Variants in COL4A6 observed in about 807,000 individuals in gnomAD.
COL4A6 encodes the protein collagen alpha-6(IV) chain.
Under a neutral mutation model 126.7 loss-of-function variants are expected in COL4A6, and 59 were observed. That is an observed-to-expected ratio of 0.47 (90% CI 0.38 to 0.58). The LOEUF is 0.58. Ranked by LOEUF, COL4A6 falls within the 20% of genes least tolerant of loss-of-function variation. The pLI is 0.00. For synonymous variants in COL4A6, 547 were observed against 496.6 expected (o/e 1.10, Z -1.35); for missense variants, 1,285 against 1,337.3 (o/e 0.96, Z 0.61).
At chrX:108,434,746 G>C (rs944177156) in intron 2 of COL4A6, among the ~76,000 whole-genome samples, 4 of 106,409 alleles carry the variant, frequency 3.8e-5, no homozygotes. Flanking sequence ...ATTTCTATCA[G>C]TATCCTTAGT....
chrX:108,351,442 C>CTGTG lies in COL4A6; in HGVS notation c.64-40618_64-40615dup, dbSNP rs965452058. The stretch of plus-strand genomic sequence containing the variant: ...TAAAAAAGGAGGTAACTCTCTCTCT[C>CTGTG]TGTGTGTGTGTGTGTGTGTGTGTGT... On this transcript the variant is annotated intron_variant, in intron 2 of 44. Coordinates refer to ENST00000334504, the MANE Select transcript of COL4A6 (RefSeq NM_033641.4). 2.4e-3 allele frequency among the ~76,000 whole-genome samples: 229 copies of CTGTG among 94,363 alleles called. 1 individual carries two copies. Among genetic ancestry groups the CTGTG allele is most frequent in the East Asian group, 8.3e-3 (23 of 2,777 alleles). 81.9% of individuals were successfully genotyped at this position (94,363 alleles called of 115,157 possible).
rs763809300 is a variant in COL4A6 at position 108,190,460 on chromosome X, T to C, written c.1358A>G (p.Glu453Gly). 1 of 1,205,387 alleles carries C rather than the reference T, an allele frequency of 8.3e-7. No homozygotes were observed. Among genetic ancestry groups the C allele is most frequent in the Non-Finnish European group, 1.1e-6 (1 of 890,898 alleles). The change falls in exon 20 of 45, where the codon GAG becomes GGG. Residue 453 changes from glutamate to glycine, a missense_variant. Physicochemically the swap from Glu to Gly is moderately conservative, Grantham distance 98. Transcript: ENST00000334504. ...TCCTCGGAGACCAGGGAACCCTGAC[T>C]CTTTGTTGTGTAGAGTTTCAGTCTC... ...EFETETLHNK[E>G]SGFPGLRGEQ...
At chrX:108,428,321 C>A (rs901021297) in intron 2 of COL4A6, among the ~76,000 whole-genome samples, 4 of 112,063 alleles carry the variant, frequency 3.6e-5, no homozygotes, top group African/African-American at 1.3e-4. Context: ...AATGAGAGAG[C>A]CTTCTCTGAT....
intron 3 of COL4A6, among the ~76,000 whole-genome samples, chrX:108,309,296 G>A (rs1419374669): frequency 1.8e-5 from 2 of 110,573 alleles, no homozygotes; most frequent in Non-Finnish European, 3.8e-5. Context: ...TCCGTGAGAG[G>A]CAGCAGTAGA....
intron 2 of COL4A6, among the ~76,000 whole-genome samples, chrX:108,426,924 C>T (rs1402730120): frequency 8.9e-6 from 1 of 111,751 alleles, no homozygotes; most frequent in Non-Finnish European, 1.9e-5. Context: ...AGGAAATGGA[C>T]ATCCAGAATT....
chrX:108,186,890 G>T (rs752853504), intron 23 of COL4A6, among the ~76,000 whole-genome samples: 7 of 111,031 alleles, frequency 6.3e-5, no homozygotes, highest in Non-Finnish European at 1.3e-4. Context: ...CACGAAGTAG[G>T]GTGGAAATCT....
chrX:108,341,575 C>T (rs1196724555), intron 2 of COL4A6, among the ~76,000 whole-genome samples: 1 of 110,834 alleles, frequency 9.0e-6, no homozygotes, highest in African/African-American at 3.3e-5. Context: ...TGTGAGGGTT[C>T]CCCAGCCCCA....
chrX:108,176,842 C>A lies in COL4A6; in HGVS notation c.2685G>T (p.Lys895Asn), dbSNP rs150454971. The A allele has an allele frequency of 2.7e-4, 327 of 1,203,732 alleles. 1 individual carries two copies. Among genetic ancestry groups the A allele is most frequent in the Non-Finnish European group, 3.5e-4 (312 of 893,128 alleles). ...VAGLPALSGP[K>N]GEKGSVGFVG... ...CACTTCACTGATCACTTCACTTACC[C>A]TTGGGTCCAGAGAGGGCTGGCAACC... Residue 895 changes from lysine (K) to asparagine (N), a missense_variant and splice_region_variant, in exon 28 of 45, where the codon AAG becomes AAT. Coordinates refer to ENST00000334504, the MANE Select transcript of COL4A6 (RefSeq NM_033641.4).
chrX:108,238,176 G>A (rs1458781654), intron 3 of COL4A6, among the ~76,000 whole-genome samples: 5 of 104,467 alleles, frequency 4.8e-5, no homozygotes, highest in Admixed American at 3.1e-4. Context: ...GCATGATCTC[G>A]GCTCACTGCA....
At chrX:108,417,455 T>C (rs1370434821) in intron 2 of COL4A6, among the ~76,000 whole-genome samples, 1 of 112,149 alleles carries the variant, frequency 8.9e-6, no homozygotes, top group Non-Finnish European at 1.9e-5. Flanking sequence ...CTAAACTATG[T>C]TCTTGTTCTT....
chrX:108,253,861 A>G (rs920205921), intron 3 of COL4A6, among the ~76,000 whole-genome samples: 5 of 112,001 alleles, frequency 4.5e-5, no homozygotes, highest in Admixed American at 9.5e-5. Context: ...TCTGTCAGAT[A>G]GCCCATTACT....
intron 23 of COL4A6, 33 bp from the exon 24 acceptor site, chrX:108,181,001 C>A (rs763385543): frequency 1.8e-5 from 20 of 1,137,395 alleles, no homozygotes; most frequent in African/African-American, 3.6e-5. Flanking sequence ...ATTCAGTGAA[C>A]CCAGAGTTAG....
intron 3 of COL4A6, among the ~76,000 whole-genome samples, chrX:108,265,461 A>T (rs2037276240): frequency 9.1e-6 from 1 of 110,253 alleles, no homozygotes; most frequent in African/African-American, 3.3e-5. Flanking sequence ...ACAAGTTATT[A>T]AGTACTACAA....
chrX:108,400,035 C>A (rs904490515), intron 2 of COL4A6, among the ~76,000 whole-genome samples: 4 of 108,308 alleles, frequency 3.7e-5, no homozygotes, highest in African/African-American at 1.4e-4. Flanking sequence ...TACATGGCTG[C>A]CAATAAAACT....
At chrX:108,302,615 A>G (rs746399815) in intron 3 of COL4A6, among the ~76,000 whole-genome samples, 62 of 111,149 alleles carry the variant, frequency 5.6e-4, no homozygotes, top group Non-Finnish European at 1.1e-3. Context: ...GATAATATCC[A>G]TAAATCTACT....
rs764209075 is a variant in COL4A6 at position 108,292,885 on chromosome X, G to A, written c.144+17863C>T. On this transcript the variant is annotated intron_variant, in intron 3 of 44. Coordinates refer to ENST00000334504, the MANE Select transcript of COL4A6 (RefSeq NM_033641.4). Reference sequence around the variant, plus strand: ...GATTTCATGAGCCCAGGTGTTCGAGGCTGCAGTGAGTTATGATGATGCCAC... The same window carrying A: ...GATTTCATGAGCCCAGGTGTTCGAGACTGCAGTGAGTTATGATGATGCCAC... 2.9e-5 allele frequency among the ~76,000 whole-genome samples: 3 copies of A among 101,939 alleles called. No individual in the cohort carries two copies. The South Asian group carries it at 1.5e-3, about 50-fold the overall frequency. 88.5% of individuals were successfully genotyped at this position (101,939 alleles called of 115,157 possible). A position where few individuals can be genotyped will look rare whatever the true frequency, so the allele number is the denominator to read the frequency against.
At position 108,344,367 on chromosome X, in the gene COL4A6, G is replaced by A. The variant is rs542451963; in HGVS notation, c.64-33539C>T. Among the ~76,000 whole-genome samples the A allele has an allele frequency of 2.9e-4, 32 of 110,994 alleles. 1 individual carries two copies. In the South Asian group the frequency reaches 0.013, roughly 44 times the overall value. On this transcript the variant is annotated intron_variant, in intron 2 of 44. Transcript: ENST00000334504. ...CCACCAAGAATAAACAAGAAAGAGG[G>A]AACAGCTTTACAAACAAAACAAAAA...
chrX:108,356,586 G>A, intron 2 of COL4A6, among the ~76,000 whole-genome samples: 1 of 111,052 alleles, frequency 9.0e-6, no homozygotes, highest in East Asian at 2.8e-4. Flanking sequence ...GATTTATCAA[G>A]TTACCCCTGA....
chrX:108,208,759 A>C (rs1226898942), intron 8 of COL4A6, among the ~76,000 whole-genome samples: 1 of 111,345 alleles, frequency 9.0e-6, no homozygotes, highest in Non-Finnish European at 1.9e-5. Context: ...AGGGGCGGAG[A>C]GGGTAAGAAA....
Sources: allele counts gnomAD v4.1 joint callset (sites outside exome capture counted in the v4.1 genomes callset), GRCh38; gene constraint gnomAD v4.1.1; transcripts MANE v1.5; gene names NCBI Gene and HGNC (gene_info 2026-07-23, HGNC 2026-07-21).